CEP83: variants seen among roughly 807,000 people sequenced by gnomAD.
CEP83 encodes the protein centrosomal protein 83, also known as centrosomal protein of 83 kDa.
A neutral mutation model predicts 101.9 loss-of-function variants in CEP83; 70 were observed. The observed-to-expected ratio is 0.69, with a 90% CI of 0.57 to 0.84. CEP83 has a LOEUF of 0.84. Ranked by LOEUF, CEP83 falls within the 40% of genes least tolerant of loss-of-function variation. The pLI, the probability that CEP83 is intolerant of heterozygous loss-of-function variation, is 0.00. For missense variants in CEP83, 715 were observed against 787.2 expected (o/e 0.91, Z 1.10); for synonymous variants, 264 against 267.9 (o/e 0.99, Z 0.14).
At chr12:94,397,929 A>T (rs555450653) in intron 6 of CEP83, among the ~76,000 whole-genome samples, 185 of 152,346 alleles carry the variant, frequency 1.2e-3, no homozygotes, top group Middle Eastern at 3.4e-3. Context: ...GATGGCCCAT[A>T]ATCAGAGTGG....
chr12:94,426,473 A>C (rs1000387189), intron 2 of CEP83, among the ~76,000 whole-genome samples: 5 of 152,182 alleles, frequency 3.3e-5, no homozygotes, highest in Non-Finnish European at 4.4e-5. Flanking sequence ...ACACCTAAAA[A>C]ACCACAGGCA....
At chr12:94,348,242 A>G (rs550625215) in intron 11 of CEP83, among the ~76,000 whole-genome samples, 3 of 152,172 alleles carry the variant, frequency 2.0e-5, no homozygotes, top group Admixed American at 6.5e-5. Context: ...AAAGAGGTCT[A>G]CTTTTCAAAA....
At chr12:94,398,494 T>G (rs2063040519) in intron 6 of CEP83, among the ~76,000 whole-genome samples, 1 of 152,200 alleles carries the variant, frequency 6.6e-6, no homozygotes, top group South Asian at 2.1e-4. Flanking sequence ...CTTACTTCAA[T>G]CTCTTAATCC....
At chr12:94,270,258 C>T in the CEP83 span, among the ~76,000 whole-genome samples, 30 of 152,300 alleles carry the variant, frequency 2.0e-4, no homozygotes, top group East Asian at 5.2e-3. Context: ...AAATGTGGCC[C>T]CTCTGCCTAT....
At chr12:94,281,559 T>C in the CEP83 span, among the ~76,000 whole-genome samples, 1 of 151,236 alleles carries the variant, frequency 6.6e-6, no homozygotes, top group African/African-American at 2.4e-5. Flanking sequence ...AAATCAGATA[T>C]CCAGTTTTTT....
At chr12:94,365,738 C>A (rs1235499544) in intron 11 of CEP83, among the ~76,000 whole-genome samples, 9 of 150,418 alleles carry the variant, frequency 6.0e-5, no homozygotes, top group African/African-American at 2.0e-4. Flanking sequence ...CCACTGCCCT[C>A]CAGCCTGGGC....
chr12:94,371,873 T>C (rs958899484), intron 8 of CEP83, among the ~76,000 whole-genome samples: 1 of 152,254 alleles, frequency 6.6e-6, no homozygotes, highest in Non-Finnish European at 1.5e-5. Flanking sequence ...TACTGCCTTA[T>C]GTACTGGTAA....
chr12:94,366,132 G>GT (rs1043888904), intron 11 of CEP83, among the ~76,000 whole-genome samples: 2 of 151,756 alleles, frequency 1.3e-5, no homozygotes, highest in African/African-American at 2.4e-5. Context: ...TTGTTTTTTT[G>GT]TTTTTGTTTT....
chr12:94,289,563 G>A, the CEP83 span, among the ~76,000 whole-genome samples: 3 of 152,152 alleles, frequency 2.0e-5, no homozygotes, highest in African/African-American at 7.2e-5. Context: ...ACAGGACTAG[G>A]GGACGATTAA....
chr12:94,299,986 G>A, the CEP83 span, among the ~76,000 whole-genome samples: 4 of 152,180 alleles, frequency 2.6e-5, no homozygotes, highest in Non-Finnish European at 5.9e-5. Context: ...GAGCTGTTGG[G>A]AGACCTAGCA....
chr12:94,329,722 GTTCAT>G (rs2059124984), intron 14 of CEP83, among the ~76,000 whole-genome samples: 2 of 152,236 alleles, frequency 1.3e-5, no homozygotes, highest in East Asian at 3.9e-4. Context: ...GGATTTCTGA[GTTCAT>G]AGGTCATAAA....
chr12:94,279,708 C>A, the CEP83 span: 1 of 1,418,742 alleles, frequency 7.0e-7, no homozygotes, highest in Non-Finnish European at 9.9e-7. Context: ...TCCCTGCCTG[C>A]CCTCCCTCCC....
At chr12:94,365,599 AC>A (rs1266155232) in intron 11 of CEP83, among the ~76,000 whole-genome samples, 1 of 151,922 alleles carries the variant, frequency 6.6e-6, no homozygotes, top group Non-Finnish European at 1.5e-5. Flanking sequence ...GTGAAACCCC[AC>A]CCCTACTAAA....
chr12:94,418,624 G>A (rs1217961768), intron 2 of CEP83, among the ~76,000 whole-genome samples: 1 of 152,110 alleles, frequency 6.6e-6, no homozygotes, highest in East Asian at 1.9e-4. Flanking sequence ...TAAATACATA[G>A]AAGGTAGGCT....
the CEP83 span, among the ~76,000 whole-genome samples, chr12:94,297,896 G>A: frequency 2.6e-5 from 4 of 152,194 alleles, no homozygotes; most frequent in Non-Finnish European, 5.9e-5. Flanking sequence ...AGATGTGAAA[G>A]CCGGTGGAAT....
chr12:94,454,600 G>C (rs1209204138), intron 1 of CEP83, among the ~76,000 whole-genome samples: 1 of 152,224 alleles, frequency 6.6e-6, no homozygotes. Context: ...ACCTGAGCCA[G>C]CAGCAGCAAC....
rs138230698 is a variant in CEP83 at position 94,401,789 on chromosome 12, C to T, written c.418-808G>A. On this transcript the variant is annotated intron_variant, in intron 5 of 16. Transcript: ENST00000397809. Reference sequence around the variant, plus strand: ...TTTAAAAAAAAAAGTTTTTATTGAACTTGGTCACTTATCTTGGGTCTGATC... The same window carrying T: ...TTTAAAAAAAAAAGTTTTTATTGAATTTGGTCACTTATCTTGGGTCTGATC... Among the ~76,000 whole-genome samples the T allele has an allele frequency of 1.3e-4, 20 of 152,172 alleles. No homozygotes were observed. In the East Asian group the frequency reaches 3.5e-3, roughly 26 times the overall value.
the CEP83 span, among the ~76,000 whole-genome samples, chr12:94,290,258 G>T: frequency 2.0e-5 from 3 of 152,214 alleles, no homozygotes; most frequent in Non-Finnish European, 2.9e-5. Flanking sequence ...GAGGAATTTT[G>T]TAACTATGTT....
intron 11 of CEP83, among the ~76,000 whole-genome samples, chr12:94,345,569 G>A (rs2059897156): frequency 6.6e-6 from 1 of 152,032 alleles, no homozygotes; most frequent in Non-Finnish European, 1.5e-5. Context: ...TCTCTCCAAG[G>A]CAGGCCACAC....
Sources: gnomAD v4.1 joint callset for allele counts (sites outside exome capture counted in the v4.1 genomes callset) on GRCh38, gnomAD v4.1.1 for gene constraint, MANE v1.5 for transcripts, NCBI Gene and HGNC (gene_info 2026-07-23, HGNC 2026-07-21) for gene names.